BBS9: variants seen among roughly 807,000 people sequenced by gnomAD.
The protein encoded by BBS9 is protein PTHB1.
In BBS9, 89 loss-of-function variants were observed where a neutral mutation model predicts 117.7. The observed-to-expected ratio is 0.76, with a 90% CI of 0.64 to 0.90. BBS9 has a LOEUF of 0.90. Among genes scored for constraint, BBS9 ranks in the 40% least tolerant of loss-of-function variants. The pLI is 0.00. For missense variants in BBS9, 982 were observed against 1,042.2 expected, an observed-to-expected ratio of 0.94 and a Z score of 0.80; for synonymous variants, 379 against 370.9, an observed-to-expected ratio of 1.02 and a Z score of -0.25.
At chr7:33,475,481 A>T (rs914403895) in intron 19 of BBS9, among the ~76,000 whole-genome samples, 1 of 152,176 alleles carries the variant, frequency 6.6e-6, no homozygotes, top group Non-Finnish European at 1.5e-5. Flanking sequence ...TGAATTCAAG[A>T]ACCTCACTTA....
chr7:33,464,801 A>C (rs1839933756), intron 19 of BBS9, among the ~76,000 whole-genome samples: 1 of 152,014 alleles, frequency 6.6e-6, no homozygotes, highest in Non-Finnish European at 1.5e-5. Flanking sequence ...AGATGAGGAA[A>C]TCGAGACTTA....
rs764647993 is a variant in BBS9 at position 33,487,187 on chromosome 7, C to T, written c.2116-18276C>T. On this transcript the variant is annotated intron_variant, in intron 19 of 22. Coordinates refer to ENST00000242067, the MANE Select transcript of BBS9 (RefSeq NM_198428.3). Reference sequence around the variant, plus strand: ...TTAAATAGCATTCTTTGTTTAAAGACGTAAGCTTAGGATTCATTGTAATTC... The same window carrying T: ...TTAAATAGCATTCTTTGTTTAAAGATGTAAGCTTAGGATTCATTGTAATTC... Among the ~76,000 whole-genome samples the T allele has an allele frequency of 3.3e-5, 5 of 152,146 alleles. No homozygotes were observed. In the South Asian group the frequency reaches 6.2e-4, roughly 19 times the overall value.
intron 5 of BBS9, among the ~76,000 whole-genome samples, chr7:33,187,119 A>C (rs1344069211): frequency 6.6e-6 from 1 of 152,244 alleles, no homozygotes; most frequent in East Asian, 1.9e-4. Flanking sequence ...AGTTAAGACA[A>C]ACTTGCCATT....
Position 33,571,960 on chromosome 7 carries a change from C to T in BBS9, c.2522-32905C>T, listed in dbSNP as rs1320016929. Among the ~76,000 whole-genome samples the T allele has an allele frequency of 3.9e-5, 6 of 151,936 alleles. 1 individual carries two copies. The South Asian group carries it at 6.2e-4, about 16-fold the overall frequency. ...AGGAACATATCAATTCCACTCCTCT[C>T]GTTATTTTTAAATATATAATAAATT... On this transcript the variant is annotated intron_variant, in intron 21 of 22. Coordinates refer to ENST00000242067, the MANE Select transcript of BBS9 (RefSeq NM_198428.3).
chr7:33,579,843 T>C (rs1284279403), intron 21 of BBS9, among the ~76,000 whole-genome samples: 1 of 152,204 alleles, frequency 6.6e-6, no homozygotes, highest in Non-Finnish European at 1.5e-5. Flanking sequence ...ATGAATTCAT[T>C]CATTTGGGAC....
Position 33,494,812 on chromosome 7 carries a change from T to G in BBS9, c.2116-10651T>G, listed in dbSNP as rs1416920581. 9.8e-5 allele frequency among the ~76,000 whole-genome samples: 15 copies of G among 152,324 alleles called. 1 individual carries two copies. Among genetic ancestry groups the G allele is most frequent in the Admixed American group, 9.1e-4 (14 of 15,302 alleles). On this transcript the variant is annotated intron_variant, in intron 19 of 22. Transcript: ENST00000242067. ...GGAGTTTATAGCACAGTAGAAATCA[T>G]GCATAACATATCTTCACCAAGGCAA...
At chr7:33,548,027 A>G (rs894040777) in intron 21 of BBS9, among the ~76,000 whole-genome samples, 4 of 152,208 alleles carry the variant, frequency 2.6e-5, no homozygotes, top group Admixed American at 6.5e-5. Context: ...CCCTGTGTGT[A>G]CTTAGCAAAT....
intron 5 of BBS9, among the ~76,000 whole-genome samples, chr7:33,224,923 G>A (rs527613623): frequency 9.2e-5 from 14 of 152,204 alleles, no homozygotes; most frequent in African/African-American, 3.4e-4. Flanking sequence ...TGATTTATTA[G>A]GGATTAAAAT....
chr7:33,187,907 G>A (rs1276110968), intron 5 of BBS9, among the ~76,000 whole-genome samples: 3 of 152,152 alleles, frequency 2.0e-5, no homozygotes, highest in Middle Eastern at 3.4e-3. Context: ...GGGCGACAGA[G>A]CGAGACTCCG....
chr7:33,514,608 C>T (rs902966513), intron 20 of BBS9, among the ~76,000 whole-genome samples: 16 of 152,140 alleles, frequency 1.1e-4, no homozygotes, highest in African/African-American at 3.9e-4. Context: ...TTTACTGTAA[C>T]ATAAAACACA....
intron 19 of BBS9, among the ~76,000 whole-genome samples, chr7:33,417,680 C>T (rs948658584): frequency 2.0e-5 from 3 of 152,170 alleles, no homozygotes; most frequent in African/African-American, 7.2e-5. Context: ...ATATGCCTAA[C>T]TATAAGAAAG....
intron 19 of BBS9, among the ~76,000 whole-genome samples, chr7:33,434,297 C>T (rs545871471): frequency 3.3e-5 from 5 of 151,360 alleles, no homozygotes; most frequent in South Asian, 2.1e-4. Flanking sequence ...AAAAAAACTC[C>T]GTTTTAGCTT....
At chr7:33,267,115 A>C (rs1443664671) in intron 7 of BBS9, among the ~76,000 whole-genome samples, 1 of 152,126 alleles carries the variant, frequency 6.6e-6, no homozygotes, top group Non-Finnish European at 1.5e-5. Context: ...ATAAACATTT[A>C]AGACTGTTCT....
At chr7:33,489,509 A>G (rs1843616108) in intron 19 of BBS9, among the ~76,000 whole-genome samples, 2 of 152,090 alleles carry the variant, frequency 1.3e-5, no homozygotes, top group Non-Finnish European at 2.9e-5. Flanking sequence ...TATTCTGCAT[A>G]TCGGTAAACT....
chr7:33,526,704 T>C (rs1849564244), intron 20 of BBS9, among the ~76,000 whole-genome samples: 1 of 148,370 alleles, frequency 6.7e-6, no homozygotes, highest in Non-Finnish European at 1.5e-5. Context: ...TGTCCTCCCG[T>C]AGCTCAGAGT....
intron 15 of BBS9, among the ~76,000 whole-genome samples, chr7:33,357,134 A>G (rs923080031): frequency 2.0e-5 from 3 of 151,804 alleles, no homozygotes; most frequent in Non-Finnish European, 4.4e-5. Flanking sequence ...GAAACTCTTC[A>G]TTGTCGTATA....
chr7:33,595,728 A>G lies in BBS9; in HGVS notation c.2522-9137A>G, dbSNP rs113075039. Among the ~76,000 whole-genome samples, 133 of 152,048 alleles carry G rather than the reference A, an allele frequency of 8.7e-4. 1 individual carries two copies. The Middle Eastern group carries it at 0.01, about 12-fold the overall frequency. On this transcript the variant is annotated intron_variant, in intron 21 of 22. Coordinates refer to ENST00000242067, the MANE Select transcript of BBS9 (RefSeq NM_198428.3). ...ATAAATCATTCCACTGTAAAGACAT[A>G]TGCATGTGTAATTATTTACAATAGC...
intron 21 of BBS9, among the ~76,000 whole-genome samples, chr7:33,567,343 T>G (rs2129130717): frequency 6.6e-6 from 1 of 152,316 alleles, no homozygotes; most frequent in African/African-American, 2.4e-5. Context: ...CAGTAGCTGT[T>G]GCTATTTTGT....
chr7:33,321,987 T>C (rs1175218774), intron 9 of BBS9, among the ~76,000 whole-genome samples: 2 of 152,060 alleles, frequency 1.3e-5, no homozygotes, highest in Non-Finnish European at 2.9e-5. Flanking sequence ...GATCATATGG[T>C]TTTTGTCCTT....
Sources: gnomAD v4.1 joint callset for allele counts (sites outside exome capture counted in the v4.1 genomes callset) on GRCh38, gnomAD v4.1.1 for gene constraint, MANE v1.5 for transcripts, NCBI Gene and HGNC (gene_info 2026-07-23, HGNC 2026-07-21) for gene names.